Variants in FMN1 observed in about 807,000 individuals in gnomAD.
FMN1 encodes the protein formin 1.
FMN1 carries 110 observed loss-of-function variants against 132.4 expected under a neutral mutation model. The observed-to-expected ratio is 0.83, with a 90% CI of 0.71 to 0.97. The LOEUF (loss-of-function observed/expected upper bound fraction) is 0.97, where lower values mean the gene tolerates loss of function less well. FMN1 is among the 50% of genes least tolerant of loss of function. The pLI, the probability that FMN1 is intolerant of heterozygous loss-of-function variation, is 0.00. For synonymous variants in FMN1, 722 were observed against 651.7 expected, an observed-to-expected ratio of 1.11 and a Z score of -1.64; for missense variants, 1,792 against 1,705.3, an observed-to-expected ratio of 1.05 and a Z score of -0.90.
rs1232993426 is a variant in FMN1 at position 32,773,407 on chromosome 15, C to T, written c.*903G>A. On this transcript the variant is annotated 3_prime_UTR_variant, in exon 21 of 21. Coordinates refer to ENST00000616417, the MANE Select transcript of FMN1 (RefSeq NM_001277313.2). Reference sequence around the variant, plus strand: ...CAGTCACAGCACATAACGTAGAACTCGGCTGCGTATCAACACAACATTGCC... The same window carrying T: ...CAGTCACAGCACATAACGTAGAACTTGGCTGCGTATCAACACAACATTGCC... 5 of 152,232 alleles carry T rather than the reference C, an allele frequency of 3.3e-5. No homozygotes were observed. The highest frequency in any genetic ancestry group is 9.6e-5 in the African/African-American group (4 of 41,506). 9.4% of individuals were successfully genotyped at this position (152,232 alleles called of 1,614,324 possible).
intron 5 of FMN1, among the ~76,000 whole-genome samples, chr15:33,079,920 G>A (rs921883358): frequency 1.3e-5 from 2 of 152,016 alleles, no homozygotes; most frequent in Admixed American, 1.3e-4. Flanking sequence ...TCATCCCTTT[G>A]AATTGTTCTT....
At chr15:33,108,691 A>G (rs1442817048) in intron 4 of FMN1, among the ~76,000 whole-genome samples, 1 of 152,122 alleles carries the variant, frequency 6.6e-6, no homozygotes, top group Non-Finnish European at 1.5e-5. Context: ...ATGTGTAACT[A>G]TATCCTATTC....
Position 32,772,294 on chromosome 15 carries a change from T to G in FMN1, c.*2016A>C, listed in dbSNP as rs16958655. 2,473 of 152,268 alleles carry G rather than the reference T, an allele frequency of 0.016. 135 individuals carry two copies. The East Asian group carries it at 0.17, about 10-fold the overall frequency. The allele number at this position is 152,268 out of a possible 1,614,324, so 9.4% of individuals were successfully genotyped here. A position where few individuals can be genotyped will look rare whatever the true frequency, so the allele number is the denominator to read the frequency against. On this transcript the variant is annotated 3_prime_UTR_variant, in exon 21 of 21. Coordinates refer to ENST00000616417, the MANE Select transcript of FMN1 (RefSeq NM_001277313.2). ...CAAAGTGGACTGCAATGAGTACACCTCAAACCTCCCGCTGCTCTCACCATC... is the reference window on the plus strand; with the variant it reads ...CAAAGTGGACTGCAATGAGTACACCGCAAACCTCCCGCTGCTCTCACCATC...
At chr15:33,070,946 G>A (rs528361517) in intron 5 of FMN1, among the ~76,000 whole-genome samples, 2 of 152,304 alleles carry the variant, frequency 1.3e-5, no homozygotes, top group African/African-American at 4.8e-5. Flanking sequence ...AGTGGATGGT[G>A]GAAGTATAAT....
intron 19 of FMN1, among the ~76,000 whole-genome samples, chr15:32,779,573 A>T (rs928936794): frequency 6.6e-6 from 1 of 152,188 alleles, no homozygotes; most frequent in Non-Finnish European, 1.5e-5. Flanking sequence ...AAAGAATTAT[A>T]AACAGACACA....
chr15:32,878,508 T>G (rs985233334), intron 16 of FMN1, among the ~76,000 whole-genome samples: 2 of 152,130 alleles, frequency 1.3e-5, no homozygotes, highest in Non-Finnish European at 2.9e-5. Flanking sequence ...ATGAATTGAT[T>G]CCAGACACTT....
chr15:33,030,055 G>A (rs866146980), intron 6 of FMN1, among the ~76,000 whole-genome samples: 1 of 152,200 alleles, frequency 6.6e-6, no homozygotes, highest in African/African-American at 2.4e-5. Flanking sequence ...CTACTCGGGA[G>A]GCCGAGGCAG....
At chr15:32,803,300 T>C (rs1277535817) in intron 18 of FMN1, among the ~76,000 whole-genome samples, 4 of 152,180 alleles carry the variant, frequency 2.6e-5, no homozygotes, top group African/African-American at 9.7e-5. Flanking sequence ...ATCTCAAATT[T>C]CAGCCCTAAA....
chr15:32,931,563 C>A (rs145350527), intron 9 of FMN1, among the ~76,000 whole-genome samples: 2 of 152,270 alleles, frequency 1.3e-5, no homozygotes, highest in African/African-American at 2.4e-5. Context: ...TGTAAGTTTG[C>A]TGAATGTTTT....
rs76658722 is a variant in FMN1, at chr15:32,884,440, G to C, written c.3835+3732C>G. On this transcript the variant is annotated intron_variant, in intron 16 of 20. Coordinates refer to ENST00000616417, the MANE Select transcript of FMN1 (RefSeq NM_001277313.2). ...ATCATAGCCAGGGAAAGTCCTCAGC[G>C]TTTAAAGACTGACTTTAAAGATTCA... Among the ~76,000 whole-genome samples, 394 of 152,232 alleles carry C rather than the reference G, an allele frequency of 2.6e-3. 2 individuals are homozygous for C. The highest frequency in any genetic ancestry group is 9.3e-3 in the African/African-American group (386 of 41,524).
chr15:32,771,439 T>C lies in FMN1; in HGVS notation c.*2871A>G, dbSNP rs1478489667. 1 of 152,202 alleles carries C rather than the reference T, an allele frequency of 6.6e-6. No individual in the cohort carries two copies. The highest frequency in any genetic ancestry group is 1.5e-5 in the Non-Finnish European group (1 of 68,032). The allele number at this position is 152,202 out of a possible 1,614,324, so 9.4% of individuals were successfully genotyped here. A position where few individuals can be genotyped will look rare whatever the true frequency, so the allele number is the denominator to read the frequency against. ...GTAATTTATGATGTACTTTGTGTAA[T>C]TTATGTAACTTATGATATTGTGTGC... On this transcript the variant is annotated 3_prime_UTR_variant, in exon 21 of 21. Coordinates refer to ENST00000616417, the MANE Select transcript of FMN1 (RefSeq NM_001277313.2).
chr15:33,018,877 G>T (rs369859789), intron 6 of FMN1, among the ~76,000 whole-genome samples: 2 of 152,142 alleles, frequency 1.3e-5, no homozygotes, highest in African/African-American at 4.8e-5. Flanking sequence ...GGAGTTGTTC[G>T]ATCCTCCGGT....
chr15:32,818,341 G>T (rs188188800), intron 17 of FMN1, among the ~76,000 whole-genome samples: 48 of 152,078 alleles, frequency 3.2e-4, no homozygotes, highest in African/African-American at 1.1e-3. Flanking sequence ...AGTGAGTATG[G>T]AACCTATTCA....
intron 19 of FMN1, among the ~76,000 whole-genome samples, chr15:32,785,200 G>GTATATATATA (rs1555453683): frequency 3.7e-5 from 1 of 27,232 alleles, no homozygotes; most frequent in African/African-American, 1.3e-4. Flanking sequence ...GTGTGTGTGT[G>GTATATATATA]TATATATATA....
intron 7 of FMN1, among the ~76,000 whole-genome samples, chr15:32,990,690 C>T (rs2033379462): frequency 6.6e-6 from 1 of 152,158 alleles, no homozygotes; most frequent in Non-Finnish European, 1.5e-5. Flanking sequence ...CTGCCCCAGA[C>T]TGGGTAATTA....
chr15:33,035,791 A>G lies in FMN1; in HGVS notation c.2162-27716T>C, dbSNP rs545622427. 1.1e-4 allele frequency among the ~76,000 whole-genome samples: 16 copies of G among 152,348 alleles called. No homozygotes were observed. In the South Asian group the frequency reaches 3.1e-3, roughly 30 times the overall value. Reference sequence around the variant, plus strand: ...CACTGCCCCCTCCAAAACTCATGTTAAAACATAGCCCACAATGTGGCAATA... The same window carrying G: ...CACTGCCCCCTCCAAAACTCATGTTGAAACATAGCCCACAATGTGGCAATA... On this transcript the variant is annotated intron_variant, in intron 6 of 20. Coordinates refer to ENST00000616417, the MANE Select transcript of FMN1 (RefSeq NM_001277313.2).
rs2056144635 is a variant in FMN1 at position 32,769,133 on chromosome 15, G to A, written c.*5177C>T. 1 of 152,194 alleles carries A rather than the reference G, an allele frequency of 6.6e-6. No individual in the cohort carries two copies. Among genetic ancestry groups the A allele is most frequent in the Non-Finnish European group, 1.5e-5 (1 of 68,042 alleles). The allele number at this position is 152,194 out of a possible 1,614,324, so 9.4% of individuals were successfully genotyped here. Reference sequence around the variant, plus strand: ...TCTCTCCATTGGTAGAAATTGCATAGTGGCTTAAGAGACAGTTAGCCAGCT... The same window carrying A: ...TCTCTCCATTGGTAGAAATTGCATAATGGCTTAAGAGACAGTTAGCCAGCT... On this transcript the variant is annotated 3_prime_UTR_variant, in exon 21 of 21. Coordinates refer to ENST00000616417, the MANE Select transcript of FMN1 (RefSeq NM_001277313.2).
chr15:33,153,167 T>C lies in FMN1; in HGVS notation c.1748A>G (p.Lys583Arg), dbSNP rs968114963. The change falls in exon 4 of 21, where the codon AAA (lysine) becomes AGA (arginine). Residue 583 changes from lysine to arginine, a missense_variant. Lys to Arg is a conservative substitution (Grantham distance 26, BLOSUM62 2). This residue lies in a region of FMN1 where 1,150 missense variants were observed against 1,043.1 expected (regional missense o/e 1.10). Coordinates refer to ENST00000616417, the MANE Select transcript of FMN1 (RefSeq NM_001277313.2). ...TCTGAGGAAGGCCGGGCTGGCTCCT[T>C]TGGTCTCCGTGACCTTTGCAGAGGA... is the stretch of plus-strand genomic sequence containing the variant. ...PPSSAKVTET[K>R]GASPAFLRAG... 2 of 1,536,000 alleles carry C rather than the reference T, an allele frequency of 1.3e-6. No homozygotes were observed. Among genetic ancestry groups the C allele is most frequent in the Non-Finnish European group, 1.7e-6 (2 of 1,146,910 alleles).
intron 16 of FMN1, among the ~76,000 whole-genome samples, chr15:32,877,828 C>T (rs143942174): frequency 2.7e-4 from 41 of 152,200 alleles, no homozygotes; most frequent in African/African-American, 4.8e-4. Flanking sequence ...GCAGAGTCAG[C>T]GATTATCTGA....
Sources: allele counts gnomAD v4.1 joint callset (sites outside exome capture counted in the v4.1 genomes callset), GRCh38; gene constraint gnomAD v4.1.1; regional missense constraint gnomAD v4.1.1; transcripts MANE v1.5; gene names NCBI Gene and HGNC (gene_info 2026-07-23, HGNC 2026-07-21).